The following THAP5 variants were observed in gnomAD, a reference collection of about 807,000 sequenced individuals.
The protein encoded by THAP5 is THAP domain-containing protein 5.
In THAP5, 26 loss-of-function variants were observed where a neutral mutation model predicts 34.0. The observed-to-expected ratio is 0.77, with a 90% CI of 0.56 to 1.06. THAP5 has a LOEUF of 1.06. Ranked by LOEUF, THAP5 falls within the 50% of genes least tolerant of loss-of-function variation. The pLI is 0.00. For missense variants in THAP5, 394 were observed against 452.8 expected, an observed-to-expected ratio of 0.87 and a Z score of 1.18; for synonymous variants, 125 against 153.0, an observed-to-expected ratio of 0.82 and a Z score of 1.35.
downstream of THAP5, among the ~76,000 whole-genome samples, chr7:108,551,165 A>G (rs182040195): frequency 1.4e-3 from 218 of 152,272 alleles, no homozygotes; most frequent in African/African-American, 5.0e-3. Flanking sequence ...TGACTACATA[A>G]TCTGTTTTCG....
At position 108,564,269 on chromosome 7, in the gene THAP5, CT is replaced by C. The variant is rs1273503036; in HGVS notation, c.1109del (p.Lys370SerfsTer14). On this transcript the variant is annotated frameshift_variant, in exon 3 of 3. Coordinates refer to ENST00000415914, the MANE Select transcript of THAP5 (RefSeq NM_001130475.3). LOFTEE classifies it high-confidence loss of function. ...KSLEALIRQL[K>X]QENWLSEENV... Reference sequence around the variant, plus strand: ...TTTCTTCAGATAGCCAGTTTTCCTGCTTTAGCTGCCTTATAAGAGCTTCCAA... The same window carrying C: ...TTTCTTCAGATAGCCAGTTTTCCTGCTTAGCTGCCTTATAAGAGCTTCCAA... 2 of 1,613,042 alleles carry C rather than the reference CT, an allele frequency of 1.2e-6. No homozygotes were observed. Among genetic ancestry groups the C allele is most frequent in the Non-Finnish European group, 1.7e-6 (2 of 1,179,652 alleles).
chr7:108,568,665 G>A (rs1790540300), intron 1 of THAP5: 2 of 154,514 alleles, frequency 1.3e-5, no homozygotes, highest in African/African-American at 2.4e-5. Flanking sequence ...AGAAAAAATG[G>A]AAATGCAGTA....
Position 108,565,116 on chromosome 7 carries a change from A to C in THAP5, c.274-11T>G. On this transcript the variant is annotated splice_polypyrimidine_tract_variant and intron_variant, in intron 2 of 2. Transcript: ENST00000415914. ...AGAAGGGTCTTTTCCCTAGAAAATA[A>C]TATTTTCATGTTCTGAAAAAGATGA... 1 of 1,480,578 alleles carries C rather than the reference A, an allele frequency of 6.8e-7. No individual in the cohort carries two copies. The highest frequency in any genetic ancestry group is 9.0e-7 in the Non-Finnish European group (1 of 1,116,656). 91.7% of individuals were successfully genotyped at this position (1,480,578 alleles called of 1,614,324 possible). A position where few individuals can be genotyped will look rare whatever the true frequency, so the allele number is the denominator to read the frequency against.
At position 108,562,551 on chromosome 7, in the gene THAP5, T is replaced by A. The variant is rs1391083057; in HGVS notation, c.*1640A>T. The A allele has an allele frequency of 6.6e-6, 1 of 152,172 alleles. No homozygotes were observed. The highest frequency in any genetic ancestry group is 1.5e-5 in the Non-Finnish European group (1 of 68,022). 9.4% of individuals were successfully genotyped at this position (152,172 alleles called of 1,614,324 possible). On this transcript the variant is annotated 3_prime_UTR_variant, in exon 3 of 3. Coordinates refer to ENST00000415914, the MANE Select transcript of THAP5 (RefSeq NM_001130475.3). ...TCAGAGTCAACTTTTATTGAGCACCTCCTATATTCCAGAACCAAAAACATG... is the reference window on the plus strand; with the variant it reads ...TCAGAGTCAACTTTTATTGAGCACCACCTATATTCCAGAACCAAAAACATG...
downstream of THAP5, among the ~76,000 whole-genome samples, chr7:108,550,007 A>G (rs1287682782): frequency 6.6e-6 from 1 of 152,146 alleles, no homozygotes; most frequent in Non-Finnish European, 1.5e-5. Flanking sequence ...CTCTAGATCA[A>G]TTGAATAATA....
downstream of THAP5, among the ~76,000 whole-genome samples, chr7:108,559,829 C>T (rs759928810): frequency 6.6e-5 from 10 of 152,050 alleles, no homozygotes; most frequent in Non-Finnish European, 1.5e-4. Flanking sequence ...AACTCATGAT[C>T]ATGAGAACAG....
Position 108,569,603 on chromosome 7 carries a change from C to T in THAP5, c.-34G>A. The T allele has an allele frequency of 6.5e-7, 1 of 1,549,278 alleles. No homozygotes were observed. On this transcript the variant is annotated 5_prime_UTR_variant, in exon 1 of 3. Coordinates refer to ENST00000415914, the MANE Select transcript of THAP5 (RefSeq NM_001130475.3). ...TGAGGCCCCTGGAGACCGGGGCCGG[C>T]GACGGATGCAGGGCGGCCCTCCTCA...
At chr7:108,560,964 C>T (rs1179840071), downstream of THAP5, among the ~76,000 whole-genome samples, 2 of 151,966 alleles carry the variant, frequency 1.3e-5, no homozygotes, top group Admixed American at 1.3e-4. Flanking sequence ...AAACTCTTGG[C>T]CTCAGGTGAT....
chr7:108,564,463 A>G lies in THAP5; in HGVS notation c.916T>C (p.Ser306Pro), dbSNP rs1790437655. 1 of 1,613,950 alleles carries G rather than the reference A, an allele frequency of 6.2e-7. No homozygotes were observed. ...CCATAGTCTACATCCTTATACAAGG[A>G]GTCTTCAATGTCTGTGTCTTCCATT... is the stretch of plus-strand genomic sequence containing the variant. The part of the protein sequence containing the change: ...TEMEDTDIED[S>P]LYKDVDYGTE... The change falls in exon 3 of 3, where the codon TCC (serine) becomes CCC (proline). Residue 306 changes from serine (S) to proline (P), a missense_variant. Coordinates refer to ENST00000415914, the MANE Select transcript of THAP5 (RefSeq NM_001130475.3).
chr7:108,569,327 C>T, intron 1 of THAP5, 163 bp downstream of exon 1: 1 of 1,464,374 alleles, frequency 6.8e-7, no homozygotes, highest in South Asian at 1.4e-5. Flanking sequence ...GCATTGCTAG[C>T]TAAACTGAAC....
rs1323988986 is a variant in THAP5 at position 108,554,692 on chromosome 7, C to T, written n.276G>A. ...CATTTACCTGCATCATCCATCCATC[C>T]ATCTAGTCTATTTCTCTGAAGTGTA... On this transcript the variant is annotated non_coding_transcript_exon_variant, in exon 2 of 2. Coordinates refer to the THAP5 transcript ENST00000468884. The T allele has an allele frequency of 2.0e-5, 3 of 152,130 alleles. No individual in the cohort carries two copies. The East Asian group carries it at 5.8e-4, about 29-fold the overall frequency. 9.4% of individuals were successfully genotyped at this position (152,130 alleles called of 1,614,324 possible). A position where few individuals can be genotyped will look rare whatever the true frequency, so the allele number is the denominator to read the frequency against.
chr7:108,545,977 A>G, the THAP5 span, among the ~76,000 whole-genome samples: 1 of 152,178 alleles, frequency 6.6e-6, no homozygotes, highest in Non-Finnish European at 1.5e-5. Flanking sequence ...TGAGATACAC[A>G]GTAGGGCAAA....
chr7:108,551,317 G>A (rs1864352273), downstream of THAP5, among the ~76,000 whole-genome samples: 1 of 152,144 alleles, frequency 6.6e-6, no homozygotes. Context: ...GGTCATGAGA[G>A]CTCTGCCATC....
Position 108,564,242 on chromosome 7 carries a change from G to A in THAP5, c.1137C>T (p.Asn379=), listed in dbSNP as rs766353207. The part of the protein sequence containing the change: ...LKQENWLSEE[N]VKIIENHFTT... The stretch of plus-strand genomic sequence containing the variant: ...TAAAATGGTTTTCTATAATCTTGAC[G>A]TTTTCTTCAGATAGCCAGTTTTCCT... Residue 379 remains asparagine, a synonymous_variant, in exon 3 of 3, where the codon AAC becomes AAT. Transcript: ENST00000415914. 1.1e-5 allele frequency: 17 copies of A among 1,609,930 alleles called. No homozygotes were observed. Among genetic ancestry groups the A allele is most frequent in the Non-Finnish European group, 1.4e-5 (16 of 1,178,832 alleles).
rs1790383551 is a variant in THAP5, at chr7:108,562,876, A to G, written c.*1315T>C. The G allele has an allele frequency of 6.6e-6, 1 of 152,184 alleles. No homozygotes were observed. The highest frequency in any genetic ancestry group is 2.1e-4 in the South Asian group (1 of 4,832). 9.4% of individuals were successfully genotyped at this position (152,184 alleles called of 1,614,324 possible). A position where few individuals can be genotyped will look rare whatever the true frequency, so the allele number is the denominator to read the frequency against. On this transcript the variant is annotated 3_prime_UTR_variant, in exon 3 of 3. Coordinates refer to ENST00000415914, the MANE Select transcript of THAP5 (RefSeq NM_001130475.3). ...TCTTTGTCTCCCTAAGATCATGACC[A>G]CTTATGTATAATTTCTTGCTTATAA...
At chr7:108,561,594 T>C (rs1449515126), downstream of THAP5, among the ~76,000 whole-genome samples, 1 of 152,086 alleles carries the variant, frequency 6.6e-6, no homozygotes, top group Non-Finnish European at 1.5e-5. Flanking sequence ...TGTTTTGATT[T>C]TCTAAATGAA....
In THAP5 at chr7:108,569,593, C is replaced by A. The variant is rs1359858616; in HGVS notation, c.-24G>T. On this transcript the variant is annotated 5_prime_UTR_variant, in exon 1 of 3. Coordinates refer to ENST00000415914, the MANE Select transcript of THAP5 (RefSeq NM_001130475.3). ...ATGACTCGGGTGAGGCCCCTGGAGA[C>A]CGGGGCCGGCGACGGATGCAGGGCG... 2 of 1,550,262 alleles carry A rather than the reference C, an allele frequency of 1.3e-6. No homozygotes were observed. The highest frequency in any genetic ancestry group is 1.9e-4 in the Middle Eastern group (1 of 5,338).
chr7:108,553,961 C>T (rs1864369860), downstream of THAP5, among the ~76,000 whole-genome samples: 1 of 152,124 alleles, frequency 6.6e-6, no homozygotes. Flanking sequence ...ATGTGTCCTT[C>T]AAAGAGCATG....
downstream of THAP5, among the ~76,000 whole-genome samples, chr7:108,558,846 A>G (rs1864407192): frequency 6.6e-6 from 1 of 152,216 alleles, no homozygotes; most frequent in Non-Finnish European, 1.5e-5. Context: ...ATCCTCTTAG[A>G]TATAACATGT....
Sources: gnomAD v4.1 joint callset for allele counts (sites outside exome capture counted in the v4.1 genomes callset) on GRCh38, gnomAD v4.1.1 for gene constraint, MANE v1.5 for transcripts, NCBI Gene and HGNC (gene_info 2026-07-23, HGNC 2026-07-21) for gene names.